The following NIM1K variants were observed in gnomAD, a reference collection of about 807,000 sequenced individuals.
NIM1K encodes the protein serine/threonine-protein kinase NIM1.
A neutral mutation model predicts 37.1 loss-of-function variants in NIM1K; 35 were observed. That is an observed-to-expected ratio of 0.94 (90% CI 0.72 to 1.25). The LOEUF is 1.25. Ranked by LOEUF, NIM1K falls within the 50% of genes most tolerant of loss-of-function variation. NIM1K has a pLI of 0.00. For synonymous variants in NIM1K, 234 were observed against 206.6 expected, an observed-to-expected ratio of 1.13 and a Z score of -1.14; for missense variants, 564 against 548.0, an observed-to-expected ratio of 1.03 and a Z score of -0.29.
chr5:43,263,574 C>T (rs1186832433), intron 2 of NIM1K, among the ~76,000 whole-genome samples: 9 of 151,388 alleles, frequency 5.9e-5, no homozygotes, highest in Non-Finnish European at 1.0e-4. Context: ...CTCTTGGATT[C>T]ATTGATTTTT....
chr5:43,195,112 A>T (rs1234347578), intron 1 of NIM1K, among the ~76,000 whole-genome samples: 1 of 152,212 alleles, frequency 6.6e-6, no homozygotes, highest in Non-Finnish European at 1.5e-5. Context: ...TGTTCATAAA[A>T]TTTGTTTCAT....
chr5:43,196,332 T>C (rs186542774), intron 1 of NIM1K, among the ~76,000 whole-genome samples: 15 of 152,274 alleles, frequency 9.9e-5, no homozygotes, highest in Admixed American at 9.8e-4. Flanking sequence ...GAGAGTATAT[T>C]AAAAGCTTAT....
chr5:43,196,739 C>T (rs1751922233), intron 1 of NIM1K, among the ~76,000 whole-genome samples: 1 of 152,068 alleles, frequency 6.6e-6, no homozygotes, highest in Non-Finnish European at 1.5e-5. Flanking sequence ...TGATCACTTA[C>T]CTCCCTATGT....
At chr5:43,225,133 A>G (rs1336337780) in intron 1 of NIM1K, among the ~76,000 whole-genome samples, 1 of 152,140 alleles carries the variant, frequency 6.6e-6, no homozygotes, top group Admixed American at 6.5e-5. Context: ...TGTCAGGGTT[A>G]TAGTGGCCAG....
At chr5:43,217,428 G>A (rs1459307897) in intron 1 of NIM1K, among the ~76,000 whole-genome samples, 16 of 136,312 alleles carry the variant, frequency 1.2e-4, no homozygotes, top group African/African-American at 4.5e-4. Context: ...GCTGCTGTGA[G>A]CACTCATATA....
intron 2 of NIM1K, among the ~76,000 whole-genome samples, chr5:43,252,460 A>G (rs1752879285): frequency 1.3e-5 from 2 of 152,138 alleles, no homozygotes; most frequent in South Asian, 4.1e-4. Context: ...CAGAATTGTC[A>G]TCCGGTTTTC....
intron 2 of NIM1K, among the ~76,000 whole-genome samples, chr5:43,261,767 A>C (rs1406768267): frequency 2.0e-5 from 3 of 152,164 alleles, no homozygotes; most frequent in Non-Finnish European, 4.4e-5. Context: ...TCTTTAATTC[A>C]TCTTGAATTA....
chr5:43,245,572 C>T lies in NIM1K; in HGVS notation c.-204C>T, dbSNP rs1184818222. The T allele has an allele frequency of 1.2e-5, 6 of 494,910 alleles. No homozygotes were observed. The highest frequency in any genetic ancestry group is 7.1e-5 in the Admixed American group (2 of 28,244). 30.7% of individuals were successfully genotyped at this position (494,910 alleles called of 1,614,324 possible). Reference sequence around the variant, plus strand: ...ATGTCTTGAGTGAGGCGAGCAGCTCCTGGCTGGGCTGGGCAGACTCAGCTA... The same window carrying T: ...ATGTCTTGAGTGAGGCGAGCAGCTCTTGGCTGGGCTGGGCAGACTCAGCTA... On this transcript the variant is annotated 5_prime_UTR_variant, in exon 2 of 4. Coordinates refer to ENST00000326035, the MANE Select transcript of NIM1K (RefSeq NM_153361.4).
intron 2 of NIM1K, among the ~76,000 whole-genome samples, chr5:43,256,956 C>G (rs1396324902): frequency 6.6e-6 from 1 of 152,188 alleles, no homozygotes; most frequent in Non-Finnish European, 1.5e-5. Flanking sequence ...GCCTCAGAGT[C>G]TGGCTCTGTC....
intron 1 of NIM1K, among the ~76,000 whole-genome samples, chr5:43,199,837 C>T (rs1226898483): frequency 1.3e-5 from 2 of 152,176 alleles, no homozygotes; most frequent in Non-Finnish European, 2.9e-5. Flanking sequence ...TGTCCCAGTT[C>T]GTCAGTGCAA....
chr5:43,261,606 G>T (rs4515307), intron 2 of NIM1K, among the ~76,000 whole-genome samples: 109,078 of 150,552 alleles, frequency 0.72, 39,881 homozygotes, highest in East Asian at 1. Context: ...AGAAGCTCTT[G>T]AATTTAATTA....
intron 1 of NIM1K, among the ~76,000 whole-genome samples, chr5:43,221,999 T>C (rs1391410389): frequency 1.3e-5 from 2 of 152,218 alleles, no homozygotes; most frequent in African/African-American, 4.8e-5. Flanking sequence ...CTGTGGTTAG[T>C]GCAGATCTTG....
intron 2 of NIM1K, among the ~76,000 whole-genome samples, chr5:43,253,595 G>C (rs1752900236): frequency 6.6e-6 from 1 of 152,044 alleles, no homozygotes; most frequent in South Asian, 2.1e-4. Flanking sequence ...GGTGGATGGG[G>C]CTTGATCATG....
chr5:43,266,412 C>G (rs2112292591), intron 2 of NIM1K, among the ~76,000 whole-genome samples: 1 of 152,322 alleles, frequency 6.6e-6, no homozygotes, highest in Non-Finnish European at 1.5e-5. Flanking sequence ...GCGTGGGACC[C>G]TCTGAGCCAG....
chr5:43,233,691 A>G (rs1752575585), intron 1 of NIM1K, among the ~76,000 whole-genome samples: 1 of 152,254 alleles, frequency 6.6e-6, no homozygotes, highest in African/African-American at 2.4e-5. Context: ...AGAGCTGGAG[A>G]AAGTTACAAG....
chr5:43,232,992 A>T, intron 1 of NIM1K: 1 of 1,169,292 alleles, frequency 8.6e-7, no homozygotes, highest in Non-Finnish European at 1.3e-6. Context: ...CCCTGGGCAC[A>T]TGCTTGCCGG....
At chr5:43,227,758 G>A (rs1752480650) in intron 1 of NIM1K, among the ~76,000 whole-genome samples, 1 of 152,064 alleles carries the variant, frequency 6.6e-6, no homozygotes, top group South Asian at 2.1e-4. Context: ...TCTCATCCAT[G>A]TGGATACTAC....
At chr5:43,261,509 G>C (rs1260939746) in intron 2 of NIM1K, among the ~76,000 whole-genome samples, 1 of 151,808 alleles carries the variant, frequency 6.6e-6, no homozygotes, top group Non-Finnish European at 1.5e-5. Context: ...CTGGATATTA[G>C]CCCTTTGTCA....
At chr5:43,260,869 T>C (rs147829460) in intron 2 of NIM1K, among the ~76,000 whole-genome samples, 2,616 of 152,272 alleles carry the variant, frequency 0.017, 81 homozygotes, top group African/African-American at 0.06. Flanking sequence ...TGTTTGGTTT[T>C]CTGTCCTTGC....
Sources: allele counts gnomAD v4.1 joint callset (sites outside exome capture counted in the v4.1 genomes callset), GRCh38; gene constraint gnomAD v4.1.1; transcripts MANE v1.5; gene names NCBI Gene and HGNC (gene_info 2026-07-23, HGNC 2026-07-21).